The following LAMC1 variants were observed in gnomAD, a reference collection of about 807,000 sequenced individuals.
The protein encoded by LAMC1 is laminin subunit gamma 1, also known as laminin subunit gamma-1.
A neutral mutation model predicts 173.6 loss-of-function variants in LAMC1; 38 were observed. The ratio of observed to expected loss-of-function variants is 0.22; its 90% CI spans 0.17 to 0.29. The LOEUF (loss-of-function observed/expected upper bound fraction) is 0.29, where lower values mean the gene tolerates loss of function less well. Among genes scored for constraint, LAMC1 ranks in the 10% least tolerant of loss-of-function variants. The pLI, the probability that LAMC1 is intolerant of heterozygous loss-of-function variation, is 1.00. For missense variants in LAMC1, 1,824 were observed against 2,051.8 expected, an observed-to-expected ratio of 0.89 and a Z score of 2.14; for synonymous variants, 746 against 749.1, an observed-to-expected ratio of 1.00 and a Z score of 0.07.
chr1:183,115,594 C>T lies in LAMC1; in HGVS notation c.1285C>T (p.Arg429Cys), dbSNP rs201292325. Residue 429 changes from arginine (R) to cysteine (C), a missense_variant, in exon 6 of 28, where the codon CGT becomes TGT. Transcript: ENST00000258341. The part of the protein sequence containing the change: ...KPGVMGDKCD[R>C]CQPGFHSLTE... ...AGGAGTGATGGGGGACAAATGTGAC[C>T]GTTGCCAGCCTGGATTCCATTCTCT... The T allele has an allele frequency of 2.4e-5, 38 of 1,613,996 alleles. No individual in the cohort carries two copies. The East Asian group carries it at 4.7e-4, about 20-fold the overall frequency.
At chr1:183,134,908 A>G (rs569859525) in intron 23 of LAMC1, 99 bp downstream of exon 23, 4 of 1,371,494 alleles carry the variant, frequency 2.9e-6, no homozygotes, top group Admixed American at 3.6e-5. Flanking sequence ...AGCAGACCCC[A>G]GTGCTGAGAG....
At position 183,135,139 on chromosome 1, in the gene LAMC1, T is replaced by G. The variant is rs762909421; in HGVS notation, c.4097T>G (p.Ile1366Ser). 3.0e-5 allele frequency: 48 copies of G among 1,611,648 alleles called. No individual in the cohort carries two copies. The highest frequency in any genetic ancestry group is 4.0e-5 in the Non-Finnish European group (47 of 1,177,982). The change falls in exon 24 of 28, where the codon ATT (isoleucine) becomes AGT (serine). Residue 1366 changes from isoleucine to serine, a missense_variant. Physicochemically the swap from Ile to Ser is moderately radical, Grantham distance 142 (BLOSUM62 -2). Transcript: ENST00000258341. ...GATACCTTACAAGAAGCTAATGACATTCTCAACAACCTGAAAGGTAGAAAA... is the reference window on the plus strand; with the variant it reads ...GATACCTTACAAGAAGCTAATGACAGTCTCAACAACCTGAAAGGTAGAAAA... ...GRDTLQEANDILNNLKDFDRR... is the reference protein window; with the variant it reads ...GRDTLQEANDSLNNLKDFDRR...
intron 22 of LAMC1, 132 bp from the exon 23 acceptor site, chr1:183,134,528 C>T: frequency 1.6e-6 from 1 of 630,292 alleles, no homozygotes. Flanking sequence ...TAAAAAAGTC[C>T]ATAAAATCTT....
chr1:183,103,798 A>G, intron 2 of LAMC1, 166 bp downstream of exon 2: 2 of 500,314 alleles, frequency 4.0e-6, no homozygotes, highest in Non-Finnish European at 6.7e-6. Context: ...TGTACTATTA[A>G]TAAGTGAAGG....
intron 1 of LAMC1, among the ~76,000 whole-genome samples, chr1:183,093,894 TC>T (rs758115614): frequency 2.0e-5 from 3 of 152,192 alleles, no homozygotes; most frequent in Non-Finnish European, 4.4e-5. Context: ...GCAAAACTCA[TC>T]TAACTCATCT....
chr1:183,086,448 A>G (rs866239674), intron 1 of LAMC1, among the ~76,000 whole-genome samples: 17 of 152,354 alleles, frequency 1.1e-4, no homozygotes, highest in Admixed American at 5.9e-4. Flanking sequence ...TCTTGCTACT[A>G]AAGAATTTAT....
chr1:183,112,680 C>G (rs556666174), intron 4 of LAMC1, among the ~76,000 whole-genome samples: 1 of 152,096 alleles, frequency 6.6e-6, no homozygotes, highest in African/African-American at 2.4e-5. Flanking sequence ...CGTCTCAGAA[C>G]ATCAGATCTT....
At chr1:183,089,052 T>C (rs1352148320) in intron 1 of LAMC1, among the ~76,000 whole-genome samples, 2 of 152,208 alleles carry the variant, frequency 1.3e-5, no homozygotes, top group Non-Finnish European at 2.9e-5. Context: ...TAGAATACTT[T>C]CCATCTTCTT....
intron 11 of LAMC1, among the ~76,000 whole-genome samples, chr1:183,120,348 T>C (rs2102089058): frequency 6.6e-6 from 1 of 152,042 alleles, no homozygotes; most frequent in South Asian, 2.1e-4. Context: ...AGAAAGTATT[T>C]TTAGAATGGG....
At chr1:183,053,221 GATC>G (rs1177685218) in intron 1 of LAMC1, among the ~76,000 whole-genome samples, 1 of 152,150 alleles carries the variant, frequency 6.6e-6, no homozygotes, top group Non-Finnish European at 1.5e-5. Context: ...ATATTTAATA[GATC>G]ATATTTTCCC....
intron 1 of LAMC1, among the ~76,000 whole-genome samples, chr1:183,088,270 G>A (rs755466970): frequency 1.6e-4 from 24 of 152,168 alleles, no homozygotes; most frequent in South Asian, 8.3e-4. Flanking sequence ...AGCCTGTTTT[G>A]TTTGGTAGAT....
At chr1:183,128,405 T>C (rs1656678827) in intron 17 of LAMC1, among the ~76,000 whole-genome samples, 189 bp from the exon 18 acceptor site, 1 of 151,780 alleles carries the variant, frequency 6.6e-6, no homozygotes, top group South Asian at 2.1e-4. Context: ...ATGGCACATG[T>C]ATACATATGT....
rs548645073 is a variant in LAMC1, at chr1:183,062,118, G to A, written c.418+37984G>A. On this transcript the variant is annotated intron_variant, in intron 1 of 27. Coordinates refer to ENST00000258341, the MANE Select transcript of LAMC1 (RefSeq NM_002293.4). ...CAGTTATATACGTTTATTGTATTTGGTACGTTAAATTTAAGGTGGAAATCT... is the reference window on the plus strand; with the variant it reads ...CAGTTATATACGTTTATTGTATTTGATACGTTAAATTTAAGGTGGAAATCT... Among the ~76,000 whole-genome samples the A allele has an allele frequency of 3.9e-5, 6 of 152,264 alleles. No individual in the cohort carries two copies. In the East Asian group the frequency reaches 1.2e-3, roughly 29 times the overall value.
intron 1 of LAMC1, among the ~76,000 whole-genome samples, chr1:183,029,087 G>C (rs777458861): frequency 6.6e-6 from 1 of 152,154 alleles, no homozygotes; most frequent in Non-Finnish European, 1.5e-5. Context: ...TGCTTGACAG[G>C]CTTCATGAGT....
At chr1:183,113,159 T>A (rs1571448511) in intron 4 of LAMC1, among the ~76,000 whole-genome samples, 2 of 152,046 alleles carry the variant, frequency 1.3e-5, no homozygotes, top group South Asian at 4.2e-4. Context: ...AAAAATTTTT[T>A]AAAAATTAGC....
chr1:183,136,194 CAT>C (rs1337143289), intron 24 of LAMC1, among the ~76,000 whole-genome samples, 190 bp from the exon 25 acceptor site: 1 of 152,166 alleles, frequency 6.6e-6, no homozygotes, highest in Non-Finnish European at 1.5e-5. Flanking sequence ...AGAAACGGAA[CAT>C]TTCTATAACA....
rs564275249 is a variant in LAMC1, at chr1:183,072,280, G to A, written c.419-31048G>A. 7.9e-5 allele frequency among the ~76,000 whole-genome samples: 12 copies of A among 152,282 alleles called. No homozygotes were observed. The East Asian group carries it at 1.9e-3, about 25-fold the overall frequency. ...TACAACACATTCCAAAGACGATGAG[G>A]CATGGGGACATTTAATTCAAGTGTT... On this transcript the variant is annotated intron_variant, in intron 1 of 27. Transcript: ENST00000258341.
At position 183,024,048 on chromosome 1, in the gene LAMC1, A is replaced by G. The variant is rs780558127; in HGVS notation, c.332A>G (p.Asn111Ser). The G allele has an allele frequency of 1.1e-5, 17 of 1,612,388 alleles. 1 individual carries two copies. In the South Asian group the frequency reaches 1.9e-4, roughly 18 times the overall value. ...GCAGCCTTCCTGACCGACTACAACAACCAGGCCGACACCACCTGGTGGCAA... is the reference window on the plus strand; with the variant it reads ...GCAGCCTTCCTGACCGACTACAACAGCCAGGCCGACACCACCTGGTGGCAA... ...HGAAFLTDYN[N>S]QADTTWWQSQ... The change falls in exon 1 of 28, where the codon AAC becomes AGC. Residue 111 changes from asparagine to serine, a missense_variant. Asn to Ser is a conservative substitution (Grantham distance 46). Transcript: ENST00000258341.
At chr1:183,038,627 A>C (rs1398100111) in intron 1 of LAMC1, among the ~76,000 whole-genome samples, 1 of 152,218 alleles carries the variant, frequency 6.6e-6, no homozygotes, top group Admixed American at 6.5e-5. Context: ...AATGAGCTGA[A>C]CAGCTTTTTT....
Sources: allele counts gnomAD v4.1 joint callset (sites outside exome capture counted in the v4.1 genomes callset), GRCh38; gene constraint gnomAD v4.1.1; transcripts MANE v1.5; gene names NCBI Gene and HGNC (gene_info 2026-07-23, HGNC 2026-07-21).